MTMR2: variants seen among roughly 807,000 people sequenced by gnomAD.
The protein encoded by MTMR2 is myotubularin related protein 2, also known as phosphatidylinositol-3,5-bisphosphate 3-phosphatase MTMR2.
Under a neutral mutation model 86.9 loss-of-function variants are expected in MTMR2, and 55 were observed. That is an observed-to-expected ratio of 0.63 (90% CI 0.51 to 0.79). The LOEUF is 0.79. Among genes scored for constraint, MTMR2 ranks in the 30% least tolerant of loss-of-function variants. The pLI, the probability that MTMR2 is intolerant of heterozygous loss-of-function variation, is 0.00. For synonymous variants in MTMR2, 241 were observed against 266.8 expected (o/e 0.90, Z 0.94); for missense variants, 659 against 772.3 (o/e 0.85, Z 1.74).
intron 1 of MTMR2, among the ~76,000 whole-genome samples, chr11:95,903,988 G>A (rs1483419500): frequency 2.6e-5 from 4 of 151,986 alleles, no homozygotes; most frequent in African/African-American, 4.8e-5. Context: ...GGTGGCACAC[G>A]ACTGTAGTCC....
chr11:95,897,314 T>C (rs1865913225), intron 1 of MTMR2, among the ~76,000 whole-genome samples: 1 of 152,144 alleles, frequency 6.6e-6, no homozygotes, highest in African/African-American at 2.4e-5. Context: ...ATAAATTTTT[T>C]ATACACACAC....
rs887196115 is a variant in MTMR2, at chr11:95,849,826, T to C, written c.841A>G (p.Ile281Val). The change falls in exon 9 of 15, where the codon ATC becomes GTC. Residue 281 changes from isoleucine to valine, a missense_variant. Physicochemically the swap from Ile to Val is conservative, Grantham distance 29 (BLOSUM62 3). Coordinates refer to ENST00000346299, the MANE Select transcript of MTMR2 (RefSeq NM_016156.6). ...ACCATGGGCTGGCTACACCGAGTGA[T>C]TGTGGCTTGACTTTCAGGATGAATC... Reference protein sequence around the residue: ...SWIHPESQATITRCSQPMVGV... With the variant: ...SWIHPESQATVTRCSQPMVGV... The C allele has an allele frequency of 2.1e-5, 34 of 1,614,028 alleles. No homozygotes were observed. The highest frequency in any genetic ancestry group is 3.3e-5 in the Admixed American group (2 of 60,004).
chr11:95,916,585 T>C (rs928975379), intron 1 of MTMR2, among the ~76,000 whole-genome samples: 4 of 152,054 alleles, frequency 2.6e-5, no homozygotes, highest in African/African-American at 9.7e-5. Context: ...GAAAAAAATT[T>C]AGCATCTCCT....
chr11:95,864,589 C>T (rs1440626100), intron 3 of MTMR2, among the ~76,000 whole-genome samples: 2 of 152,078 alleles, frequency 1.3e-5, no homozygotes, highest in African/African-American at 2.4e-5. Context: ...ATAATAACTA[C>T]TATCATTATA....
At position 95,841,665 on chromosome 11, in the gene MTMR2, C is replaced by G. The variant is rs200285624; in HGVS notation, c.1431G>C (p.Ser477=). Reference sequence around the variant, plus strand: ...AGTCAATAAATTGAAGAAAAACAGGCGATCTGTCTGCATCTGCATGGTTCT... The same window carrying G: ...AGTCAATAAATTGAAGAAAAACAGGGGATCTGTCTGCATCTGCATGGTTCT... ...GDKNHADADR[S]PVFLQFIDCV... Residue 477 remains serine (S), a synonymous_variant, in exon 12 of 15, where the codon TCG becomes TCC. Coordinates refer to ENST00000346299, the MANE Select transcript of MTMR2 (RefSeq NM_016156.6). The G allele has an allele frequency of 1.2e-6, 2 of 1,613,708 alleles. No homozygotes were observed. Among genetic ancestry groups the G allele is most frequent in the Admixed American group, 3.3e-5 (2 of 59,984 alleles).
chr11:95,848,046 T>C (rs1863869338), intron 9 of MTMR2, 147 bp from the exon 10 acceptor site: 11 of 768,014 alleles, frequency 1.4e-5, no homozygotes, highest in East Asian at 8.0e-5. Flanking sequence ...TCAGGACAAC[T>C]TATTTAGCAC....
rs780983110 is a variant in MTMR2 at position 95,836,141 on chromosome 11, C to CACAT, written c.1770+3_1770+6dup. On this transcript the variant is annotated splice_region_variant and intron_variant, in intron 14 of 14. Transcript: ENST00000346299. Reference sequence around the variant, plus strand: ...AAAACTCCCATTGTATATTGTAAGGCACATACCTGTGGTTTCATCCGTGGA... The same window carrying CACAT: ...AAAACTCCCATTGTATATTGTAAGGCACATACATACCTGTGGTTTCATCCGTGGA... 5 of 1,590,894 alleles carry CACAT rather than the reference C, an allele frequency of 3.1e-6. No homozygotes were observed. The South Asian group carries it at 5.5e-5, about 17-fold the overall frequency.
intron 1 of MTMR2, among the ~76,000 whole-genome samples, chr11:95,919,825 T>C (rs895337637): frequency 2.0e-5 from 3 of 152,206 alleles, no homozygotes; most frequent in Non-Finnish European, 2.9e-5. Context: ...CATTCTTTTA[T>C]TTAGATGTTC....
intron 3 of MTMR2, among the ~76,000 whole-genome samples, chr11:95,863,465 C>T (rs1021787632): frequency 3.3e-5 from 5 of 152,062 alleles, no homozygotes; most frequent in African/African-American, 9.7e-5. Flanking sequence ...TTTTTTAAAT[C>T]GTTTCGAATG....
Position 95,835,314 on chromosome 11 carries a change from GAC to G in MTMR2, c.1906_1907del (p.Val636HisfsTer22). 1 of 1,612,942 alleles carries G rather than the reference GAC, an allele frequency of 6.2e-7. No homozygotes were observed. Among genetic ancestry groups the G allele is most frequent in the Non-Finnish European group, 8.5e-7 (1 of 1,179,244 alleles). On this transcript the variant is annotated frameshift_variant, in exon 15 of 15. Coordinates refer to ENST00000346299, the MANE Select transcript of MTMR2 (RefSeq NM_016156.6). LOFTEE classifies it high-confidence loss of function. ...SERASSPAQC[V>X]TPVQTVV Reference sequence around the variant, plus strand: ...TTTATACAACAGTTTGGACAGGAGTGACACACTGTGCAGGAGAGCTGGCTCTC... The same window carrying G: ...TTTATACAACAGTTTGGACAGGAGTGACACTGTGCAGGAGAGCTGGCTCTC...
At position 95,849,774 on chromosome 11, in the gene MTMR2, T is replaced by G. The variant is rs1402167866; in HGVS notation, c.893A>C (p.Glu298Ala). The G allele has an allele frequency of 1.9e-6, 3 of 1,614,156 alleles. No individual in the cohort carries two copies. The highest frequency in any genetic ancestry group is 2.5e-6 in the Non-Finnish European group (3 of 1,179,982). The part of the protein sequence containing the change: ...MVGVSGKRSK[E>A]DEKYLQAIMD... ...GATAGCTTGAAGGTATTTTTCATCT[T>G]CTTTGCTTCGCTTTCCACTCACTCC... Residue 298 changes from glutamate (E) to alanine (A), a missense_variant, in exon 9 of 15, where the codon GAA becomes GCA. Glu to Ala is a moderately radical substitution (Grantham distance 107, BLOSUM62 -1). Transcript: ENST00000346299.
intron 11 of MTMR2, among the ~76,000 whole-genome samples, chr11:95,844,277 C>A (rs1863675695): frequency 6.6e-6 from 1 of 152,134 alleles, no homozygotes; most frequent in African/African-American, 2.4e-5. Flanking sequence ...AATAAACACT[C>A]CAGGTACCCA....
rs576809112 is a variant in MTMR2, at chr11:95,874,899, T to C, written c.187-9223A>G. Among the ~76,000 whole-genome samples, 40 of 152,286 alleles carry C rather than the reference T, an allele frequency of 2.6e-4. 1 individual carries two copies. In the South Asian group the frequency reaches 4.6e-3, roughly 17 times the overall value. On this transcript the variant is annotated intron_variant, in intron 2 of 14. Transcript: ENST00000346299. The stretch of plus-strand genomic sequence containing the variant: ...TGAAATTCTGGGTTGAAAATTCTTT[T>C]CTTTAAGAATGTTGAATATTGGCCC...
At chr11:95,914,486 AATG>A (rs1161637347) in intron 1 of MTMR2, among the ~76,000 whole-genome samples, 2 of 152,288 alleles carry the variant, frequency 1.3e-5, no homozygotes, top group African/African-American at 4.8e-5. Context: ...TTTTGAATGA[AATG>A]ATACTACCGA....
At chr11:95,888,023 T>C in intron 2 of MTMR2, 133 bp downstream of exon 2, 1 of 706,792 alleles carries the variant, frequency 1.4e-6, no homozygotes. Context: ...TGGCCTATTC[T>C]GGGATATTTT....
At chr11:95,890,334 A>T (rs2135554304) in intron 1 of MTMR2, among the ~76,000 whole-genome samples, 1 of 152,300 alleles carries the variant, frequency 6.6e-6, no homozygotes, top group South Asian at 2.1e-4. Flanking sequence ...TAAGCACAGT[A>T]CTTTGACAGA....
intron 1 of MTMR2, among the ~76,000 whole-genome samples, chr11:95,914,697 C>A (rs951818975): frequency 6.6e-6 from 1 of 152,120 alleles, no homozygotes; most frequent in East Asian, 1.9e-4. Flanking sequence ...GTCAAGGAAA[C>A]TCATGTCCTT....
chr11:95,915,551 C>T (rs1459776734), intron 1 of MTMR2, among the ~76,000 whole-genome samples: 2 of 152,100 alleles, frequency 1.3e-5, no homozygotes, highest in African/African-American at 2.4e-5. Flanking sequence ...CAGATGTCTC[C>T]GCATTTTTAA....
chr11:95,895,674 C>T (rs946962994), intron 1 of MTMR2, among the ~76,000 whole-genome samples: 1 of 152,012 alleles, frequency 6.6e-6, no homozygotes, highest in Non-Finnish European at 1.5e-5. Context: ...ATGGTATAGC[C>T]ACTTTGGAAG....
Sources: allele counts gnomAD v4.1 joint callset (sites outside exome capture counted in the v4.1 genomes callset), GRCh38; gene constraint gnomAD v4.1.1; transcripts MANE v1.5; gene names NCBI Gene and HGNC (gene_info 2026-07-23, HGNC 2026-07-21).